The following AGBL4 variants were observed in gnomAD, a reference collection of about 807,000 sequenced individuals.
The protein encoded by AGBL4 is AGBL carboxypeptidase 4, also known as cytosolic carboxypeptidase 6.
In AGBL4, 58 loss-of-function variants were observed where a neutral mutation model predicts 66.4. The observed-to-expected ratio is 0.87, with a 90% CI of 0.71 to 1.09. The LOEUF (loss-of-function observed/expected upper bound fraction) is 1.09. Among genes scored for constraint, AGBL4 ranks in the 50% least tolerant of loss-of-function variants. The probability of loss-of-function intolerance (pLI) is 0.00; values close to 1 mark genes in which losing one functional copy is unlikely to be tolerated. For missense variants in AGBL4, 579 were observed against 631.0 expected (o/e 0.92, Z 0.88); for synonymous variants, 234 against 222.9 (o/e 1.05, Z -0.44).
At chr1:48,557,430 G>A (rs566068574) in intron 11 of AGBL4, among the ~76,000 whole-genome samples, 2 of 152,078 alleles carry the variant, frequency 1.3e-5, no homozygotes, top group African/African-American at 2.4e-5. Context: ...AAGGTAAAGT[G>A]ACCTGGCTCT....
At chr1:48,649,607 G>A (rs1183574818) in intron 8 of AGBL4, among the ~76,000 whole-genome samples, 1 of 152,082 alleles carries the variant, frequency 6.6e-6, no homozygotes, top group Non-Finnish European at 1.5e-5. Flanking sequence ...GATCTATCAT[G>A]GTATAGTGGC....
intron 9 of AGBL4, among the ~76,000 whole-genome samples, chr1:48,611,017 C>T (rs894178262): frequency 4.6e-5 from 7 of 152,256 alleles, no homozygotes; most frequent in Non-Finnish European, 8.8e-5. Context: ...ACTGCCAGGG[C>T]AGGGCCTTCT....
chr1:49,751,689 G>A (rs573326749), intron 2 of AGBL4, among the ~76,000 whole-genome samples: 9 of 152,244 alleles, frequency 5.9e-5, no homozygotes, highest in Admixed American at 4.6e-4. Context: ...GGTAGAATTC[G>A]GCTGTGAATC....
At chr1:49,823,772 T>A (rs1023776150) in intron 2 of AGBL4, among the ~76,000 whole-genome samples, 1 of 65,924 alleles carries the variant, frequency 1.5e-5, no homozygotes, top group Admixed American at 1.8e-4. Context: ...CCATTAAGGC[T>A]GCATAATGTG....
chr1:49,733,532 G>A lies in AGBL4; in HGVS notation c.158-36095C>T, dbSNP rs1484184659. On this transcript the variant is annotated intron_variant, in intron 2 of 13. Transcript: ENST00000371839. ...ATTATTTCTGTACTTCTGGAGGCTAGGAAGTCCAAGATGAAGGAGCCAGTG... is the reference window on the plus strand; with the variant it reads ...ATTATTTCTGTACTTCTGGAGGCTAAGAAGTCCAAGATGAAGGAGCCAGTG... 3.3e-5 allele frequency among the ~76,000 whole-genome samples: 5 copies of A among 152,126 alleles called. No individual in the cohort carries two copies. In the South Asian group the frequency reaches 8.3e-4, roughly 25 times the overall value.
At position 49,010,875 on chromosome 1, in the gene AGBL4, C is replaced by G. The variant is rs1170628932; in HGVS notation, c.594+34709G>C. 3.3e-5 allele frequency among the ~76,000 whole-genome samples: 5 copies of G among 151,112 alleles called. No homozygotes were observed. The East Asian group carries it at 9.7e-4, about 29-fold the overall frequency. ...CCTTCCTTACACCTTATACAAAAAT[C>G]AATTCAAGATGGATTAAAGACTTAA... is the stretch of plus-strand genomic sequence containing the variant. On this transcript the variant is annotated intron_variant, in intron 5 of 13. Transcript: ENST00000371839.
At chr1:49,643,447 A>T (rs1470694182) in intron 3 of AGBL4, among the ~76,000 whole-genome samples, 1 of 151,752 alleles carries the variant, frequency 6.6e-6, no homozygotes, top group Non-Finnish European at 1.5e-5. Flanking sequence ...AAATTATACA[A>T]ATTTGATAAA....
chr1:48,899,003 G>A (rs1651819602), intron 5 of AGBL4, among the ~76,000 whole-genome samples: 1 of 152,228 alleles, frequency 6.6e-6, no homozygotes, highest in Non-Finnish European at 1.5e-5. Context: ...GAGTGATTGC[G>A]CTGCTTCCTC....
intron 1 of AGBL4, among the ~76,000 whole-genome samples, chr1:49,895,042 G>A (rs1286172716): frequency 2.0e-5 from 3 of 152,074 alleles, no homozygotes; most frequent in African/African-American, 7.2e-5. Flanking sequence ...ATACAATGGA[G>A]TTCCAATATG....
At chr1:49,641,787 G>A (rs1457093201) in intron 3 of AGBL4, among the ~76,000 whole-genome samples, 1 of 151,828 alleles carries the variant, frequency 6.6e-6, no homozygotes, top group Non-Finnish European at 1.5e-5. Flanking sequence ...TGTACTTATT[G>A]TTACCATTTT....
chr1:49,506,589 G>T (rs1346490954), intron 3 of AGBL4, among the ~76,000 whole-genome samples: 10 of 151,874 alleles, frequency 6.6e-5, no homozygotes, highest in African/African-American at 2.4e-4. Flanking sequence ...CTCCTCCTTT[G>T]CCTTCTGCCA....
At chr1:49,497,703 G>A (rs951044643) in intron 3 of AGBL4, among the ~76,000 whole-genome samples, 7 of 151,912 alleles carry the variant, frequency 4.6e-5, no homozygotes, top group Admixed American at 4.6e-4. Flanking sequence ...TAGATATGTG[G>A]GTTTATTTCT....
At chr1:48,978,661 T>C (rs1659525016) in intron 5 of AGBL4, among the ~76,000 whole-genome samples, 1 of 152,154 alleles carries the variant, frequency 6.6e-6, no homozygotes, top group Admixed American at 6.6e-5. Flanking sequence ...TAATGTCCTT[T>C]TTTTCTCCTT....
intron 3 of AGBL4, among the ~76,000 whole-genome samples, chr1:49,689,320 GA>G (rs962365262): frequency 1.3e-4 from 20 of 152,238 alleles, no homozygotes; most frequent in African/African-American, 4.3e-4. Flanking sequence ...AGCATTTATA[GA>G]AGTGACTGTC....
At position 48,617,552 on chromosome 1, in the gene AGBL4, G is replaced by A. The variant is rs766409823; in HGVS notation, c.951+16941C>T. 1.3e-4 allele frequency among the ~76,000 whole-genome samples: 20 copies of A among 152,146 alleles called. No individual in the cohort carries two copies. The South Asian group carries it at 2.5e-3, about 19-fold the overall frequency. ...GGGACTCTCTAAACTATGCAGACCC[G>A]CCTCCTTCCTGCTATTCTCTTCCTA... On this transcript the variant is annotated intron_variant, in intron 9 of 13. Coordinates refer to ENST00000371839, the MANE Select transcript of AGBL4 (RefSeq NM_032785.4).
intron 3 of AGBL4, among the ~76,000 whole-genome samples, chr1:49,268,624 C>G (rs1643984168): frequency 6.6e-6 from 1 of 152,056 alleles, no homozygotes; most frequent in African/African-American, 2.4e-5. Flanking sequence ...TCAGTACATC[C>G]CTTGAGGGGG....
chr1:48,724,230 C>T (rs1647194938), intron 6 of AGBL4, among the ~76,000 whole-genome samples: 1 of 152,182 alleles, frequency 6.6e-6, no homozygotes, highest in African/African-American at 2.4e-5. Context: ...CTAATAACCC[C>T]ATAACTAGAC....
intron 3 of AGBL4, among the ~76,000 whole-genome samples, chr1:49,368,109 G>A (rs990017290): frequency 1.3e-5 from 2 of 152,046 alleles, no homozygotes; most frequent in Non-Finnish European, 2.9e-5. Context: ...TTCTTTTATG[G>A]CCGAATAATA....
chr1:49,955,964 A>ACAGGAT (rs1656570940), intron 1 of AGBL4, among the ~76,000 whole-genome samples: 1 of 151,902 alleles, frequency 6.6e-6, no homozygotes, highest in African/African-American at 2.4e-5. Flanking sequence ...TCATTCATTA[A>ACAGGAT]CAGGATTTTA....
Sources: allele counts gnomAD v4.1 joint callset (sites outside exome capture counted in the v4.1 genomes callset), GRCh38; gene constraint gnomAD v4.1.1; transcripts MANE v1.5; gene names NCBI Gene and HGNC (gene_info 2026-07-23, HGNC 2026-07-21).